Variants in VAMP3 observed in about 807,000 individuals in gnomAD.
The protein encoded by VAMP3 is vesicle-associated membrane protein 3.
In VAMP3, 11 loss-of-function variants were observed where a neutral mutation model predicts 18.1. That is an observed-to-expected ratio of 0.61 (90% CI 0.38 to 1.00). The LOEUF (loss-of-function observed/expected upper bound fraction) is 1.00. Among genes scored for constraint, VAMP3 ranks in the 50% least tolerant of loss-of-function variants. The pLI, the probability that VAMP3 is intolerant of heterozygous loss-of-function variation, is 0.01. For synonymous variants in VAMP3, 49 were observed against 43.1 expected (o/e 1.14, Z -0.53); for missense variants, 122 against 127.3 (o/e 0.96, Z 0.20).
chr1:7,778,068 C>A, intron 3 of VAMP3, 50 bp from the exon 4 acceptor site: 1 of 1,588,852 alleles, frequency 6.3e-7, no homozygotes, highest in South Asian at 1.1e-5. Flanking sequence ...CTTCAACAAG[C>A]ACATTATGTC....
At chr1:7,774,772 T>C (rs2097053407) in intron 2 of VAMP3, among the ~76,000 whole-genome samples, 2 of 152,294 alleles carry the variant, frequency 1.3e-5, no homozygotes, top group Admixed American at 1.3e-4. Flanking sequence ...TTCCATTGTA[T>C]GTGTATACAC....
chr1:7,779,546 ATTGGATGTTGGC>A, intron 4 of VAMP3, 68 bp from the exon 5 acceptor site: 6 of 1,593,912 alleles, frequency 3.8e-6, no homozygotes, highest in Non-Finnish European at 5.2e-6. Context: ...AGACTGCAGC[ATTGGATGTTGGC>A]TTGGGATTCA....
chr1:7,779,083 T>C (rs2097055774), intron 4 of VAMP3, among the ~76,000 whole-genome samples: 2 of 151,958 alleles, frequency 1.3e-5, no homozygotes, highest in Admixed American at 1.3e-4. Flanking sequence ...TAGTCCCAGC[T>C]ACTGGGGAGG....
At chr1:7,778,970 C>A (rs944486172) in intron 4 of VAMP3, among the ~76,000 whole-genome samples, 1 of 151,994 alleles carries the variant, frequency 6.6e-6, no homozygotes, top group Non-Finnish European at 1.5e-5. Flanking sequence ...CTGAGGCGGG[C>A]AGATCACGAG....
At chr1:7,775,430 C>T (rs1043718097) in intron 2 of VAMP3, among the ~76,000 whole-genome samples, 1 of 152,078 alleles carries the variant, frequency 6.6e-6, no homozygotes, top group Non-Finnish European at 1.5e-5. Context: ...TCACTGCAGC[C>T]TCCAAGCCCC....
chr1:7,774,975 C>A (rs72632053), intron 2 of VAMP3, among the ~76,000 whole-genome samples: 9,329 of 152,278 alleles, frequency 0.061, 400 homozygotes, highest in Middle Eastern at 0.2. Context: ...CGAGGAACTG[C>A]CAAATTGTTT....
Position 7,780,303 on chromosome 1 carries a change from T to A in VAMP3, c.*658T>A, listed in dbSNP as rs1426761360. Reference sequence around the variant, plus strand: ...AAAAATTTTTAAAGAACTATGGCTATGACCAAAGCTTCTATTTTGCCAAAA... The same window carrying A: ...AAAAATTTTTAAAGAACTATGGCTAAGACCAAAGCTTCTATTTTGCCAAAA... On this transcript the variant is annotated 3_prime_UTR_variant, in exon 5 of 5. Transcript: ENST00000054666. The A allele has an allele frequency of 6.5e-6, 1 of 152,826 alleles. No homozygotes were observed. The highest frequency in any genetic ancestry group is 1.5e-5 in the Non-Finnish European group (1 of 68,052). The allele number at this position is 152,826 out of a possible 1,614,324, so 9.5% of individuals were successfully genotyped here.
intron 2 of VAMP3, among the ~76,000 whole-genome samples, chr1:7,775,537 C>G (rs1161258091): frequency 6.6e-6 from 1 of 152,022 alleles, no homozygotes; most frequent in African/African-American, 2.4e-5. Context: ...TTAGTAGAGA[C>G]AGTGGTTCAC....
At chr1:7,777,439 A>G in intron 3 of VAMP3, 121 bp downstream of exon 3, 1 of 1,251,008 alleles carries the variant, frequency 8.0e-7, no homozygotes, top group Non-Finnish European at 1.1e-6. Context: ...CTCCACATGG[A>G]AATGTGGGTC....
chr1:7,774,534 C>T (rs918098247), intron 2 of VAMP3, among the ~76,000 whole-genome samples: 2 of 152,170 alleles, frequency 1.3e-5, no homozygotes, highest in African/African-American at 4.8e-5. Context: ...CCCAGAACAC[C>T]TCATGCCCAT....
chr1:7,777,417 G>A (rs141251420), intron 3 of VAMP3, 99 bp downstream of exon 3: 4 of 1,431,482 alleles, frequency 2.8e-6, no homozygotes, highest in Non-Finnish European at 3.7e-6. Flanking sequence ...TCTGGGAGGT[G>A]GGTTTGACTT....
At chr1:7,772,068 T>C (rs2150365032) in intron 1 of VAMP3, among the ~76,000 whole-genome samples, 1 of 152,290 alleles carries the variant, frequency 6.6e-6, no homozygotes, top group East Asian at 1.9e-4. Context: ...GCTGTGCCAA[T>C]AGATCACAGT....
chr1:7,772,848 C>T (rs1244473364), intron 1 of VAMP3: 1 of 152,852 alleles, frequency 6.5e-6, no homozygotes, highest in East Asian at 1.9e-4. Context: ...GAGATCGCGC[C>T]ATTGCACTCC....
At chr1:7,771,488 A>T (rs1346889450) in intron 1 of VAMP3, 103 bp downstream of exon 1, 1 of 1,343,736 alleles carries the variant, frequency 7.4e-7, no homozygotes, top group East Asian at 3.1e-5. Context: ...ACTCGGACGC[A>T]GGCCGGGGCT....
intron 2 of VAMP3, among the ~76,000 whole-genome samples, chr1:7,774,335 A>AAT (rs2097053037): frequency 6.9e-6 from 1 of 144,892 alleles, no homozygotes; most frequent in Non-Finnish European, 1.5e-5. Context: ...AATTCTGTTT[A>AAT]CTTACAAAAT....
Position 7,777,148 on chromosome 1 carries a change from A to G in VAMP3, c.73-12A>G, listed in dbSNP as rs1259498831. 1 of 1,596,878 alleles carries G rather than the reference A, an allele frequency of 6.3e-7. No individual in the cohort carries two copies. The highest frequency in any genetic ancestry group is 1.7e-5 in the Admixed American group (1 of 58,158). ...TCTTTGTGCATTACTTGCTGTGATC[A>G]CACTCATCTAGGTGGTGGACATAAT... is the stretch of plus-strand genomic sequence containing the variant. On this transcript the variant is annotated splice_polypyrimidine_tract_variant and intron_variant, in intron 2 of 4. Coordinates refer to ENST00000054666, the MANE Select transcript of VAMP3 (RefSeq NM_004781.4).
chr1:7,778,061 C>A, intron 3 of VAMP3, 57 bp from the exon 4 acceptor site: 1 of 1,580,816 alleles, frequency 6.3e-7, no homozygotes, highest in South Asian at 1.1e-5. Context: ...TAATACTCTT[C>A]AACAAGCACA....
At position 7,780,644 on chromosome 1, in the gene VAMP3, C is replaced by A. The variant is rs1166746646; in HGVS notation, c.*999C>A. On this transcript the variant is annotated 3_prime_UTR_variant, in exon 5 of 5. Coordinates refer to ENST00000054666, the MANE Select transcript of VAMP3 (RefSeq NM_004781.4). ...TCTGATAATTATGCAAGCAACAATTCTGTAGCCTCAAGTAAGACCACCTGT... is the reference window on the plus strand; with the variant it reads ...TCTGATAATTATGCAAGCAACAATTATGTAGCCTCAAGTAAGACCACCTGT... 1 of 152,388 alleles carries A rather than the reference C, an allele frequency of 6.6e-6. No individual in the cohort carries two copies. Among genetic ancestry groups the A allele is most frequent in the Non-Finnish European group, 1.5e-5 (1 of 68,034 alleles). 9.4% of individuals were successfully genotyped at this position (152,388 alleles called of 1,614,324 possible).
chr1:7,776,305 A>T (rs1054499046), intron 2 of VAMP3: 3 of 152,036 alleles, frequency 2.0e-5, no homozygotes, highest in African/African-American at 7.2e-5. Context: ...TGTTTCCTTA[A>T]TTTCCTTTTC....
Sources: gnomAD v4.1 joint callset for allele counts (sites outside exome capture counted in the v4.1 genomes callset) on GRCh38, gnomAD v4.1.1 for gene constraint, MANE v1.5 for transcripts, NCBI Gene and HGNC (gene_info 2026-07-23, HGNC 2026-07-21) for gene names.